NMNAT3: variants seen among roughly 807,000 people sequenced by gnomAD.
NMNAT3 encodes nicotinamide/nicotinic acid mononucleotide adenylyltransferase 3.
Under a neutral mutation model 24.8 loss-of-function variants are expected in NMNAT3, and 21 were observed. The ratio of observed to expected loss-of-function variants is 0.85; its 90% CI spans 0.60 to 1.22. The LOEUF is 1.22. Among genes scored for constraint, NMNAT3 ranks in the 50% most tolerant of loss-of-function variants. NMNAT3 has a pLI of 0.00. For synonymous variants in NMNAT3, 136 were observed against 155.2 expected, an observed-to-expected ratio of 0.88 and a Z score of 0.92; for missense variants, 387 against 436.6, an observed-to-expected ratio of 0.89 and a Z score of 1.01.
chr3:139,564,407 G>T (rs988677656), intron 6 of NMNAT3, among the ~76,000 whole-genome samples: 2 of 152,212 alleles, frequency 1.3e-5, no homozygotes, highest in African/African-American at 4.8e-5. Context: ...CAGATAAAGG[G>T]CCTGCTCTGT....
At chr3:139,647,931 CA>C (rs1294214675) in intron 1 of NMNAT3, among the ~76,000 whole-genome samples, 2 of 152,204 alleles carry the variant, frequency 1.3e-5, no homozygotes. Context: ...TCAGTTTGTA[CA>C]AAAGCTATCC....
intron 3 of NMNAT3, among the ~76,000 whole-genome samples, chr3:139,616,261 TA>T (rs2055497256): frequency 6.6e-6 from 1 of 152,198 alleles, no homozygotes; most frequent in African/African-American, 2.4e-5. Flanking sequence ...ACTAAATTCT[TA>T]ACACTTAATG....
chr3:139,569,636 A>C (rs1244187860), intron 6 of NMNAT3: 1 of 152,196 alleles, frequency 6.6e-6, no homozygotes, highest in East Asian at 1.9e-4. Context: ...TTCTGGGTTG[A>C]AAATTCTTTT....
At chr3:139,613,567 G>A (rs914738892) in intron 3 of NMNAT3, among the ~76,000 whole-genome samples, 1 of 152,188 alleles carries the variant, frequency 6.6e-6, no homozygotes, top group African/African-American at 2.4e-5. Context: ...CATTGTGGAA[G>A]TCAGTGTGGT....
At chr3:139,627,531 A>C (rs2056105197) in intron 3 of NMNAT3, 85 bp downstream of exon 4, 1 of 689,512 alleles carries the variant, frequency 1.5e-6, no homozygotes. Context: ...GAGCTGTTTT[A>C]ATAATAGTGA....
chr3:139,576,189 C>A, intron 5 of NMNAT3: 1 of 985,376 alleles, frequency 1.0e-6, no homozygotes, highest in Non-Finnish European at 1.2e-6. Context: ...GGATTTCTAC[C>A]ATGCTTCTAA....
intron 5 of NMNAT3, chr3:139,575,631 C>T (rs1303617392): frequency 3.0e-6 from 3 of 1,015,828 alleles, no homozygotes; most frequent in East Asian, 2.0e-4. Flanking sequence ...TTAGCTGGAT[C>T]TCTGAACTTT....
rs142578908 is a variant in NMNAT3 at position 139,599,252 on chromosome 3, C to T, written c.110-16044G>A. The T allele has an allele frequency of 3.6e-3, 2,441 of 685,680 alleles. 32 individuals carry two copies. Among genetic ancestry groups the T allele is most frequent in the African/African-American group, 0.03 (1,730 of 56,772 alleles). 42.5% of individuals were successfully genotyped at this position (685,680 alleles called of 1,614,324 possible). ...AGAAAAGCATTAGGTAATGCTCAGA[C>T]GTGGCTGCTCTGTAGCACAGAATGA... On this transcript the variant is annotated intron_variant, in intron 3 of 6. Transcript: ENST00000643695.
intron 3 of NMNAT3, among the ~76,000 whole-genome samples, chr3:139,586,726 T>G (rs2053954929): frequency 6.6e-6 from 1 of 152,184 alleles, no homozygotes; most frequent in South Asian, 2.1e-4. Context: ...CAAAAGTTAC[T>G]CTTAAAATAA....
intron 1 of NMNAT3, among the ~76,000 whole-genome samples, chr3:139,651,460 T>G (rs1200606548): frequency 6.6e-6 from 1 of 152,164 alleles, no homozygotes; most frequent in Non-Finnish European, 1.5e-5. Context: ...TAGAGGTTAT[T>G]CTGAGAGGGG....
At chr3:139,631,353 C>G (rs2056289198) in intron 2 of NMNAT3, among the ~76,000 whole-genome samples, 1 of 152,124 alleles carries the variant, frequency 6.6e-6, no homozygotes, top group East Asian at 1.9e-4. Flanking sequence ...CAGGGATCCA[C>G]CAGGACAATA....
intron 1 of NMNAT3, among the ~76,000 whole-genome samples, chr3:139,660,927 G>A (rs1329051917): frequency 1.3e-5 from 2 of 152,114 alleles, no homozygotes; most frequent in African/African-American, 4.8e-5. Flanking sequence ...AAAACGTGCC[G>A]GGAAATCTGA....
chr3:139,667,182 C>G (rs1217402243), intron 1 of NMNAT3, among the ~76,000 whole-genome samples: 1 of 152,204 alleles, frequency 6.6e-6, no homozygotes, highest in Non-Finnish European at 1.5e-5. Flanking sequence ...CCATACTGCT[C>G]TTCATAATGG....
In NMNAT3 at chr3:139,627,542, T is replaced by C. The variant is rs981407685; in HGVS notation, c.109+74A>G. The C allele has an allele frequency of 1.3e-5, 10 of 755,944 alleles. No individual in the cohort carries two copies. The East Asian group carries it at 2.2e-4, about 16-fold the overall frequency. The allele number at this position is 755,944 out of a possible 1,614,324, so 46.8% of individuals were successfully genotyped here. A position where few individuals can be genotyped will look rare whatever the true frequency, so the allele number is the denominator to read the frequency against. On this transcript the variant is annotated intron_variant, in intron 3 of 6. Transcript: ENST00000643695. ...AATTGAGCTGTTTTAATAATAGTGA[T>C]GCCAGCAGCCAGAAAAGCCCCATGA...
intron 1 of NMNAT3, among the ~76,000 whole-genome samples, chr3:139,676,067 AG>A (rs1256520449): frequency 6.6e-6 from 1 of 152,124 alleles, no homozygotes; most frequent in African/African-American, 2.4e-5. Context: ...GGGAAAAGAG[AG>A]GCTGCACAAT....
chr3:139,577,215 A>G (rs1308051998), intron 5 of NMNAT3, among the ~76,000 whole-genome samples: 1 of 152,174 alleles, frequency 6.6e-6, no homozygotes, highest in Non-Finnish European at 1.5e-5. Flanking sequence ...GTAATCGTAA[A>G]TAGTACTATG....
At chr3:139,626,937 T>A (rs1269090506) in intron 3 of NMNAT3, among the ~76,000 whole-genome samples, 1 of 152,136 alleles carries the variant, frequency 6.6e-6, no homozygotes, top group Non-Finnish European at 1.5e-5. Context: ...AATACATTCA[T>A]AAATATACAA....
chr3:139,567,848 G>A (rs1466793533), intron 6 of NMNAT3: 1 of 152,118 alleles, frequency 6.6e-6, no homozygotes, highest in Non-Finnish European at 1.5e-5. Context: ...GGATGATGCT[G>A]GCCTCATAAA....
At chr3:139,567,704 G>T (rs1937469874) in intron 6 of NMNAT3, 1 of 152,194 alleles carries the variant, frequency 6.6e-6, no homozygotes, top group African/African-American at 2.4e-5. Context: ...CTTGATCATG[G>T]TGGATATGCT....
Sources: allele counts gnomAD v4.1 joint callset (sites outside exome capture counted in the v4.1 genomes callset), GRCh38; gene constraint gnomAD v4.1.1; transcripts MANE v1.5; gene names NCBI Gene and HGNC (gene_info 2026-07-23, HGNC 2026-07-21).